Variants in CLASP1 observed in about 807,000 individuals in gnomAD.
CLASP1 encodes the protein CLIP-associating protein 1.
Under a neutral mutation model 192.3 loss-of-function variants are expected in CLASP1, and 38 were observed. The ratio of observed to expected loss-of-function variants is 0.20; its 90% CI spans 0.15 to 0.26. CLASP1 has a LOEUF of 0.26. Among genes scored for constraint, CLASP1 ranks in the 10% least tolerant of loss-of-function variants. CLASP1 has a pLI of 1.00. For synonymous variants in CLASP1, 691 were observed against 712.8 expected (o/e 0.97, Z 0.49); for missense variants, 1,433 against 1,932.5 (o/e 0.74, Z 4.85).
At chr2:121,440,775 GTAGA>G (rs760741730) in intron 19 of CLASP1, among the ~76,000 whole-genome samples, 1 of 149,386 alleles carries the variant, frequency 6.7e-6, no homozygotes, top group Non-Finnish European at 1.5e-5. Flanking sequence ...ACAGAGACAA[GTAGA>G]TAGATGTGAA....
exon 29 of CLASP1, chr2:121,398,400 C>T (rs1203151395): frequency 1.3e-6 from 2 of 1,580,470 alleles, no homozygotes; most frequent in Non-Finnish European, 1.7e-6. Flanking sequence ...GAAAGGAGTC[C>T]CTAGGTTGGT....
At chr2:121,422,861 T>C (rs932563590) in intron 22 of CLASP1, among the ~76,000 whole-genome samples, 2 of 152,188 alleles carry the variant, frequency 1.3e-5, no homozygotes, top group African/African-American at 4.8e-5. Flanking sequence ...CTAGTTTAGC[T>C]ATCATTAAAA....
In CLASP1 at chr2:121,530,975, C is replaced by T. The variant is rs538424742; in HGVS notation, c.196-650G>A. The T allele has an allele frequency of 5.3e-4, 369 of 700,416 alleles. No individual in the cohort carries two copies. The highest frequency in any genetic ancestry group is 8.1e-4 in the Non-Finnish European group (310 of 384,822). The allele number at this position is 700,416 out of a possible 1,614,324, so 43.4% of individuals were successfully genotyped here. On this transcript the variant is annotated intron_variant, in intron 2 of 39. Transcript: ENST00000263710. Reference sequence around the variant, plus strand: ...AACAACACACCCGCATCAACTAGAGCTTTTGCTTTATTTTGGTGCAATTTT... The same window carrying T: ...AACAACACACCCGCATCAACTAGAGTTTTTGCTTTATTTTGGTGCAATTTT...
chr2:121,397,095 G>A, intron 30 of CLASP1, 45 bp downstream of exon 31: 1 of 1,598,860 alleles, frequency 6.3e-7, no homozygotes, highest in Non-Finnish European at 8.6e-7. Flanking sequence ...TCTAACACAA[G>A]CCCAGGAACA....
rs549309575 is a variant in CLASP1 at position 121,468,825 on chromosome 2, T to A, written c.865+983A>T. ...TTTAGCTCAGTGAAGTTCGTTATTATCCACATTCTGAGGCCTACTTCTGTC... is the reference window on the plus strand; with the variant it reads ...TTTAGCTCAGTGAAGTTCGTTATTAACCACATTCTGAGGCCTACTTCTGTC... On this transcript the variant is annotated intron_variant, in intron 9 of 39. Transcript: ENST00000263710. 2.0e-5 allele frequency among the ~76,000 whole-genome samples: 3 copies of A among 152,270 alleles called. No individual in the cohort carries two copies. The South Asian group carries it at 6.2e-4, about 32-fold the overall frequency.
Position 121,636,315 on chromosome 2 carries a change from G to A in CLASP1, c.-286+13057C>T, listed in dbSNP as rs2070851034. ...TGCGCCACTGCACTCCAACCTGGGTGACAGAGTGAGACTCCATTTCAAAAA... is the reference window on the plus strand; with the variant it reads ...TGCGCCACTGCACTCCAACCTGGGTAACAGAGTGAGACTCCATTTCAAAAA... On this transcript the variant is annotated intron_variant, in intron 1 of 39. Coordinates refer to ENST00000263710, the Ensembl canonical transcript of CLASP1. Among the ~76,000 whole-genome samples, 6 of 147,472 alleles carry A rather than the reference G, an allele frequency of 4.1e-5. No homozygotes were observed. In the Admixed American group the frequency reaches 4.1e-4, roughly 10 times the overall value.
intron 2 of CLASP1, among the ~76,000 whole-genome samples, chr2:121,582,663 A>G (rs2061331006): frequency 6.7e-6 from 1 of 149,202 alleles, no homozygotes; most frequent in African/African-American, 2.4e-5. Flanking sequence ...GAGAGGGAGA[A>G]AGTCTTCTTC....
intron 1 of CLASP1, among the ~76,000 whole-genome samples, chr2:121,625,403 A>G (rs1003710528): frequency 1.9e-4 from 29 of 150,598 alleles, no homozygotes; most frequent in African/African-American, 6.8e-4. Context: ...CATATATGCT[A>G]GCTTGAGAGA....
At chr2:121,644,955 C>CA (rs1199358360) in intron 1 of CLASP1, among the ~76,000 whole-genome samples, 247 of 74,222 alleles carry the variant, frequency 3.3e-3, no homozygotes, top group Middle Eastern at 0.016. Context: ...AAAACTGTCT[C>CA]AAAAAAAAAA....
exon 30 of CLASP1, chr2:121,397,203 T>A: frequency 6.2e-7 from 1 of 1,613,858 alleles, no homozygotes; most frequent in East Asian, 2.2e-5. Flanking sequence ...CAGCAAGCCT[T>A]GTCTCACTAG....
At chr2:121,538,655 G>A (rs2095155335) in intron 2 of CLASP1, among the ~76,000 whole-genome samples, 1 of 151,376 alleles carries the variant, frequency 6.6e-6, no homozygotes, top group Non-Finnish European at 1.5e-5. Flanking sequence ...GCATGGCAGT[G>A]GGCACCTGTA....
chr2:121,440,746 T>C (rs1168298746), intron 19 of CLASP1, among the ~76,000 whole-genome samples: 3 of 151,140 alleles, frequency 2.0e-5, no homozygotes, highest in Non-Finnish European at 2.9e-5. Flanking sequence ...TTCAGTTCTG[T>C]ATTATAATCT....
At chr2:121,365,689 CCAGGGTCAAAT>C (rs2067273031) in intron 35 of CLASP1, among the ~76,000 whole-genome samples, 1 of 152,210 alleles carries the variant, frequency 6.6e-6, no homozygotes, top group Admixed American at 6.5e-5. Context: ...CAGCCTCTTA[CCAGGGTCAAAT>C]CTACTCTCAT....
intron 2 of CLASP1, among the ~76,000 whole-genome samples, chr2:121,604,681 C>A (rs1328889468): frequency 6.6e-6 from 1 of 151,962 alleles, no homozygotes; most frequent in African/African-American, 2.4e-5. Flanking sequence ...AATAAATATA[C>A]GAAGACAGGT....
At position 121,381,048 on chromosome 2, in the gene CLASP1, C is replaced by T. The variant is rs537175107; in HGVS notation, c.3491+1160G>A. Among the ~76,000 whole-genome samples the T allele has an allele frequency of 5.3e-5, 8 of 152,292 alleles. No homozygotes were observed. In the South Asian group the frequency reaches 1.7e-3, roughly 32 times the overall value. On this transcript the variant is annotated intron_variant, in intron 33 of 39. Transcript: ENST00000263710. ...AAAAAAAAGAAAAAGGAGTGACCTG[C>T]TTTGTTAACATTAAAGACAGCAGCC...
intron 8 of CLASP1, among the ~76,000 whole-genome samples, chr2:121,471,045 G>T (rs1357431984): frequency 1.3e-5 from 2 of 152,170 alleles, no homozygotes; most frequent in East Asian, 1.9e-4. Context: ...CACTTTGGGA[G>T]GCCAAAATGG....
rs76155351 is a variant in CLASP1, at chr2:121,531,093, G to A, written c.196-768C>T. ...TACTTTGTGGTTAAACCAGTAGAGG[G>A]TGCACAAGACGCGTGGTTTTAGTGT... On this transcript the variant is annotated intron_variant, in intron 2 of 39. Coordinates refer to ENST00000263710, the Ensembl canonical transcript of CLASP1. 2,904 of 655,722 alleles carry A rather than the reference G, an allele frequency of 4.4e-3. 33 individuals carry two copies. Among genetic ancestry groups the A allele is most frequent in the African/African-American group, 0.033 (1,845 of 56,058 alleles). 40.6% of individuals were successfully genotyped at this position (655,722 alleles called of 1,614,324 possible).
At chr2:121,442,796 G>A (rs573471835) in intron 19 of CLASP1, among the ~76,000 whole-genome samples, 60 of 152,244 alleles carry the variant, frequency 3.9e-4, no homozygotes, top group African/African-American at 1.4e-3. Context: ...TTTTAATTTA[G>A]AGCATATAAC....
At chr2:121,537,811 T>C (rs986943875) in intron 2 of CLASP1, among the ~76,000 whole-genome samples, 33 of 152,228 alleles carry the variant, frequency 2.2e-4, no homozygotes, top group African/African-American at 8.0e-4. Context: ...AATCATTCCA[T>C]GTAACTTGCC....
Sources: allele counts gnomAD v4.1 joint callset (sites outside exome capture counted in the v4.1 genomes callset), GRCh38; gene constraint gnomAD v4.1.1; transcripts MANE v1.5; gene names NCBI Gene and HGNC (gene_info 2026-07-23, HGNC 2026-07-21).